KIR2DL1: variants seen among roughly 807,000 people sequenced by gnomAD.
KIR2DL1 encodes killer cell immunoglobulin like receptor, two Ig domains and long cytoplasmic tail 1, also known as killer cell immunoglobulin-like receptor 2DL1.
In KIR2DL1, 38 loss-of-function variants were observed where a neutral mutation model predicts 33.9. The ratio of observed to expected loss-of-function variants is 1.12; its 90% CI spans 0.86 to 1.47. The LOEUF is 1.47. KIR2DL1 is among the 40% of genes most tolerant of loss of function. KIR2DL1 has a pLI of 0.00. For synonymous variants in KIR2DL1, 179 were observed against 165.9 expected (o/e 1.08, Z -0.61); for missense variants, 531 against 433.9 (o/e 1.22, Z -1.99).
chr19:54,777,313 A>G (rs990265338), intron 4 of KIR2DL1, among the ~76,000 whole-genome samples: 3 of 147,226 alleles, frequency 2.0e-5, no homozygotes, highest in Non-Finnish European at 4.5e-5. Flanking sequence ...CTGGTCTCAA[A>G]CTCCCAACCT....
rs1486109447 is a variant in KIR2DL1 at position 54,770,861 on chromosome 19, T to G, written c.47T>G (p.Leu16Arg). 6.3e-7 allele frequency: 1 copy of G among 1,583,970 alleles called. No homozygotes were observed. Among genetic ancestry groups the G allele is most frequent in the Admixed American group, 1.7e-5 (1 of 58,866 alleles). The change falls in exon 2 of 8, where the codon CTG becomes CGG. Residue 16 changes from leucine (L) to arginine (R), a missense_variant. By Grantham distance (102) the Leu-to-Arg change is moderately radical (BLOSUM62 -2). Coordinates refer to ENST00000336077, the MANE Select transcript of KIR2DL1 (RefSeq NM_014218.3). ...VSMACVGFFL[L>R]QGAWPHEGVH... ...TCTTTCTTTCCAGGGTTCTTCTTGC[T>G]GCAGGGGGCCTGGCCACATGAGGGT...
intron 4 of KIR2DL1, among the ~76,000 whole-genome samples, chr19:54,776,852 G>C (rs1405794254): frequency 6.8e-6 from 1 of 146,784 alleles, no homozygotes; most frequent in African/African-American, 2.5e-5. Context: ...ATGTTGGCTG[G>C]GCTGCTCTCA....
chr19:54,783,366 C>A (rs1218728926), intron 6 of KIR2DL1, 120 bp from the exon 7 acceptor site: 8 of 1,065,948 alleles, frequency 7.5e-6, no homozygotes, highest in Non-Finnish European at 8.5e-6. Context: ...TCTGAGTCTG[C>A]TGTTGGCAAC....
At chr19:54,777,985 G>A (rs1319932779) in intron 4 of KIR2DL1, among the ~76,000 whole-genome samples, 1 of 148,636 alleles carries the variant, frequency 6.7e-6, no homozygotes, top group African/African-American at 2.5e-5. Context: ...GATGGGCTGG[G>A]CTTGGTGGCT....
At chr19:54,776,357 G>C (rs2076340882) in intron 4 of KIR2DL1, among the ~76,000 whole-genome samples, 1 of 146,224 alleles carries the variant, frequency 6.8e-6, no homozygotes, top group African/African-American at 2.5e-5. Flanking sequence ...ATATGGGTGA[G>C]AAATGGGAAT....
At chr19:54,771,724 G>C (rs796754507) in intron 2 of KIR2DL1, among the ~76,000 whole-genome samples, 1 of 148,224 alleles carries the variant, frequency 6.7e-6, no homozygotes, top group Non-Finnish European at 1.5e-5. Context: ...GTCTGTAAAA[G>C]GAAGATGGGG....
chr19:54,777,770 C>T (rs1257241532), intron 4 of KIR2DL1, among the ~76,000 whole-genome samples: 1 of 147,732 alleles, frequency 6.8e-6, no homozygotes, highest in African/African-American at 2.5e-5. Flanking sequence ...GAGCATTTCC[C>T]CAATATTTTG....
At position 54,783,792 on chromosome 19, in the gene KIR2DL1, C is replaced by T. The variant is rs2077355490; in HGVS notation, c.1026C>T (p.Ser342=). The T allele has an allele frequency of 1.1e-5, 17 of 1,613,848 alleles. No homozygotes were observed. Among genetic ancestry groups the T allele is most frequent in the Non-Finnish European group, 1.4e-5 (17 of 1,179,962 alleles). Residue 342 remains serine (S), a synonymous_variant, in exon 8 of 8, where the codon TCC becomes TCT. Transcript: ENST00000336077. ...AACTTCCAAATGCTGAGTCCAGATC[C>T]AAAGTTGTCTCCTGCCCATGAGCAC... The part of the protein sequence containing the change: ...YTELPNAESR[S]KVVSCP
chr19:54,779,408 T>G (rs1157045599), intron 5 of KIR2DL1, among the ~76,000 whole-genome samples: 1 of 147,614 alleles, frequency 6.8e-6, no homozygotes, highest in Non-Finnish European at 1.5e-5. Context: ...GTTCCTTGGC[T>G]CCTGGTCCCC....
Position 54,783,032 on chromosome 19 carries a change from C to T in KIR2DL1, c.817+9C>T, listed in dbSNP as rs584011. 3.3e-4 allele frequency: 538 copies of T among 1,612,254 alleles called. 2 individuals are homozygous for T. Among genetic ancestry groups the T allele is most frequent in the Non-Finnish European group, 4.1e-4 (486 of 1,178,902 alleles). Reference sequence around the variant, plus strand: ...GTGCTCCAACAAAAAAAGTAAGTCTCACGAAGCAGAGGCCAGAGAGCTCAG... The same window carrying T: ...GTGCTCCAACAAAAAAAGTAAGTCTTACGAAGCAGAGGCCAGAGAGCTCAG... On this transcript the variant is annotated intron_variant, in intron 6 of 7. Transcript: ENST00000336077.
chr19:54,780,458 G>A (rs1449224820), intron 5 of KIR2DL1, among the ~76,000 whole-genome samples: 1 of 140,972 alleles, frequency 7.1e-6, no homozygotes, highest in Non-Finnish European at 1.6e-5. Context: ...TAGAGAGACG[G>A]AGAGCACACT....
chr19:54,783,600 G>A, intron 7 of KIR2DL1, 37 bp from the exon 8 acceptor site: 1 of 1,613,922 alleles, frequency 6.2e-7, no homozygotes, highest in Middle Eastern at 1.6e-4. Flanking sequence ...TGGAAAATGT[G>A]AGCACCCTCC....
chr19:54,773,294 A>C (rs1177322751), intron 2 of KIR2DL1, 39 bp from the exon 3 acceptor site: 1 of 1,552,880 alleles, frequency 6.4e-7, no homozygotes, highest in East Asian at 2.3e-5. Context: ...TGGGATGATA[A>C]AGAGAGACAC....
At position 54,783,040 on chromosome 19, in the gene KIR2DL1, A is replaced by C. The variant is rs1181805838; in HGVS notation, c.817+17A>C. 1 of 1,608,962 alleles carries C rather than the reference A, an allele frequency of 6.2e-7. No individual in the cohort carries two copies. The highest frequency in any genetic ancestry group is 1.3e-5 in the African/African-American group (1 of 74,914). On this transcript the variant is annotated intron_variant, in intron 6 of 7. Coordinates refer to ENST00000336077, the MANE Select transcript of KIR2DL1 (RefSeq NM_014218.3). ...ACAAAAAAAGTAAGTCTCACGAAGC[A>C]GAGGCCAGAGAGCTCAGGGCCATGT...
intron 1 of KIR2DL1, among the ~76,000 whole-genome samples, chr19:54,770,474 A>T (rs1395187793): frequency 6.9e-6 from 1 of 144,466 alleles, no homozygotes; most frequent in Non-Finnish European, 1.5e-5. Flanking sequence ...GAGTGGAGAT[A>T]TGGGACTGGA....
In KIR2DL1 at chr19:54,771,985, G is replaced by C. The variant is rs1283177745; in HGVS notation, c.70+1101G>C. Among the ~76,000 whole-genome samples the C allele has an allele frequency of 1.4e-5, 2 of 148,132 alleles. 1 individual carries two copies. The highest frequency in any genetic ancestry group is 3.0e-5 in the Non-Finnish European group (2 of 66,170). On this transcript the variant is annotated intron_variant, in intron 2 of 7. Coordinates refer to ENST00000336077, the MANE Select transcript of KIR2DL1 (RefSeq NM_014218.3). ...TGTCCTTGCGGGTCCCATCATGCAAGTCCTGACTGTATTTGGGGTAAAGGG... is the reference window on the plus strand; with the variant it reads ...TGTCCTTGCGGGTCCCATCATGCAACTCCTGACTGTATTTGGGGTAAAGGG...
At chr19:54,776,372 T>G (rs681436) in intron 4 of KIR2DL1, among the ~76,000 whole-genome samples, 41,242 of 135,776 alleles carry the variant, frequency 0.3, 5,319 homozygotes, top group South Asian at 0.44. Flanking sequence ...GGGAATCTTT[T>G]TAATGACCTC....
At position 54,772,542 on chromosome 19, in the gene KIR2DL1, G is replaced by A. The variant is rs1398905032; in HGVS notation, c.71-791G>A. ...GGAACCCAGGTCAAGGACAAGTTAA[G>A]AAACAACACAAGGATAGCCAGGCAT... On this transcript the variant is annotated intron_variant, in intron 2 of 7. Coordinates refer to ENST00000336077, the MANE Select transcript of KIR2DL1 (RefSeq NM_014218.3). 2.1e-5 allele frequency among the ~76,000 whole-genome samples: 3 copies of A among 145,644 alleles called. No homozygotes were observed. In the East Asian group the frequency reaches 5.9e-4, roughly 29 times the overall value.
rs1202924607 is a variant in KIR2DL1, at chr19:54,779,856, A to G, written c.715+1194A>G. ...GAACGCACAAGTGGATCTATAAATG[A>G]ATGGTCCATTGGGAAGCATCTGTGC... is the stretch of plus-strand genomic sequence containing the variant. On this transcript the variant is annotated intron_variant, in intron 5 of 7. Coordinates refer to ENST00000336077, the MANE Select transcript of KIR2DL1 (RefSeq NM_014218.3). 1.5e-4 allele frequency among the ~76,000 whole-genome samples: 20 copies of G among 137,168 alleles called. 2 individuals are homozygous for G. The highest frequency in any genetic ancestry group is 5.2e-4 in the African/African-American group (19 of 36,248). 90.0% of individuals were successfully genotyped at this position (137,168 alleles called of 152,430 possible). A position where few individuals can be genotyped will look rare whatever the true frequency, so the allele number is the denominator to read the frequency against.
Sources: gnomAD v4.1 joint callset for allele counts (sites outside exome capture counted in the v4.1 genomes callset) on GRCh38, gnomAD v4.1.1 for gene constraint, MANE v1.5 for transcripts, NCBI Gene and HGNC (gene_info 2026-07-23, HGNC 2026-07-21) for gene names.